The following FSTL5 variants were observed in gnomAD, a reference collection of about 807,000 sequenced individuals.
The protein encoded by FSTL5 is follistatin like 5.
FSTL5 carries 62 observed loss-of-function variants against 89.1 expected under a neutral mutation model. The observed-to-expected ratio is 0.70, with a 90% CI of 0.57 to 0.86. The LOEUF (loss-of-function observed/expected upper bound fraction) is 0.86, where lower values mean the gene tolerates loss of function less well. Ranked by LOEUF, FSTL5 falls within the 40% of genes least tolerant of loss-of-function variation. The pLI is 0.00. For synonymous variants in FSTL5, 383 were observed against 346.2 expected (o/e 1.11, Z -1.18); for missense variants, 1,057 against 1,001.6 (o/e 1.06, Z -0.75).
chr4:161,461,460 CAAAAAAAAAAAAAAAAA>C (rs58371125), intron 13 of FSTL5, among the ~76,000 whole-genome samples: 1 of 45,354 alleles, frequency 2.2e-5, no homozygotes, highest in Non-Finnish European at 3.6e-5. Context: ...GACTCCGTCT[CAAAAAAAAAAAAAAAAA>C]AAAAAAAAAA....
At chr4:161,902,774 GGGA>G (rs759656338) in intron 4 of FSTL5, among the ~76,000 whole-genome samples, 2 of 152,064 alleles carry the variant, frequency 1.3e-5, no homozygotes, top group Non-Finnish European at 2.9e-5. Flanking sequence ...GCGTGAACCC[GGGA>G]GGCGGAGCTT....
At position 161,730,961 on chromosome 4, in the gene FSTL5, A is replaced by G. The variant is rs531193395; in HGVS notation, c.727+28450T>C. On this transcript the variant is annotated intron_variant, in intron 6 of 15. Transcript: ENST00000306100. The stretch of plus-strand genomic sequence containing the variant: ...AAACAAAAACAGATTGACAGTGCCC[A>G]TGCAAAGGCAATAAATATAAATCTA... Among the ~76,000 whole-genome samples, 174 of 152,360 alleles carry G rather than the reference A, an allele frequency of 1.1e-3. 1 individual carries two copies. Among genetic ancestry groups the G allele is most frequent in the African/African-American group, 3.8e-3 (160 of 41,592 alleles).
At chr4:161,387,933 C>G (rs1488716698) in intron 15 of FSTL5, 6 of 152,078 alleles carry the variant, frequency 3.9e-5, no homozygotes, top group Non-Finnish European at 2.9e-5. Context: ...ATAAAACTTT[C>G]TTAAATATTT....
chr4:161,458,747 A>G (rs540280407), intron 14 of FSTL5, among the ~76,000 whole-genome samples: 3 of 152,308 alleles, frequency 2.0e-5, no homozygotes, highest in African/African-American at 7.2e-5. Flanking sequence ...GTTCTCACAT[A>G]AACAACTTCA....
intron 11 of FSTL5, 114 bp from the exon 12 acceptor site, chr4:161,500,248 A>C (rs1290157123): frequency 3.1e-6 from 2 of 640,960 alleles, no homozygotes; most frequent in Non-Finnish European, 5.3e-6. Context: ...AAGTTGTGTA[A>C]TGTTAATAAA....
At chr4:161,596,588 CTTA>C (rs770835090) in intron 7 of FSTL5, among the ~76,000 whole-genome samples, 41 of 152,122 alleles carry the variant, frequency 2.7e-4, no homozygotes, top group Middle Eastern at 3.4e-3. Context: ...CTCAGAATTC[CTTA>C]TTGTTAGCAT....
At chr4:161,682,347 A>G (rs1737554163) in intron 6 of FSTL5, among the ~76,000 whole-genome samples, 1 of 152,044 alleles carries the variant, frequency 6.6e-6, no homozygotes, top group African/African-American at 2.4e-5. Flanking sequence ...AACTTCTCTC[A>G]CTGTAAGTTT....
chr4:161,662,151 C>G (rs1479937173), intron 6 of FSTL5, among the ~76,000 whole-genome samples: 1 of 152,082 alleles, frequency 6.6e-6, no homozygotes, highest in Non-Finnish European at 1.5e-5. Context: ...CGATCTGAAA[C>G]TGAATATATG....
chr4:161,431,954 C>T (rs1179638338), intron 15 of FSTL5, among the ~76,000 whole-genome samples: 1 of 151,900 alleles, frequency 6.6e-6, no homozygotes, highest in Admixed American at 6.6e-5. Context: ...GTTAAGCACC[C>T]AGATATATAA....
At chr4:161,906,030 A>G (rs1366510091) in intron 4 of FSTL5, among the ~76,000 whole-genome samples, 1 of 152,160 alleles carries the variant, frequency 6.6e-6, no homozygotes, top group African/African-American at 2.4e-5. Flanking sequence ...GTCTCCCAGG[A>G]AAATTATAAG....
At chr4:161,406,396 C>A (rs928909122) in intron 15 of FSTL5, among the ~76,000 whole-genome samples, 4 of 152,074 alleles carry the variant, frequency 2.6e-5, no homozygotes, top group Non-Finnish European at 5.9e-5. Context: ...TAATTTCAAT[C>A]TGTTAAAATT....
At chr4:162,160,393 C>T (rs987633351) in intron 1 of FSTL5, among the ~76,000 whole-genome samples, 1 of 151,612 alleles carries the variant, frequency 6.6e-6, no homozygotes, top group Non-Finnish European at 1.5e-5. Flanking sequence ...TAGGATATAC[C>T]CAAAAGATTT....
At chr4:162,084,131 T>G (rs1419888466) in intron 2 of FSTL5, among the ~76,000 whole-genome samples, 1 of 151,958 alleles carries the variant, frequency 6.6e-6, no homozygotes, top group East Asian at 1.9e-4. Flanking sequence ...TGTAGCCCTT[T>G]TGCTAGAATG....
chr4:161,488,535 G>A (rs1365193086), intron 12 of FSTL5, among the ~76,000 whole-genome samples: 4 of 151,968 alleles, frequency 2.6e-5, no homozygotes, highest in African/African-American at 9.7e-5. Flanking sequence ...AGGCTTTGAG[G>A]ACAAAGAGAC....
intron 13 of FSTL5, among the ~76,000 whole-genome samples, chr4:161,474,956 A>G (rs755468704): frequency 7.3e-5 from 11 of 151,306 alleles, no homozygotes; most frequent in Non-Finnish European, 1.6e-4. Context: ...GCTATTGTGT[A>G]TCTGGGAATG....
intron 4 of FSTL5, among the ~76,000 whole-genome samples, chr4:161,869,656 T>C (rs1436120856): frequency 6.6e-6 from 1 of 152,164 alleles, no homozygotes; most frequent in African/African-American, 2.4e-5. Context: ...GGATACACAT[T>C]CTACAGTGCA....
intron 6 of FSTL5, among the ~76,000 whole-genome samples, chr4:161,690,389 T>C (rs1245932914): frequency 2.0e-5 from 3 of 152,150 alleles, no homozygotes; most frequent in Non-Finnish European, 4.4e-5. Context: ...TGGTTTTGAA[T>C]TGAACTTTAA....
At chr4:162,002,342 T>A (rs150796149) in intron 3 of FSTL5, among the ~76,000 whole-genome samples, 265 of 152,288 alleles carry the variant, frequency 1.7e-3, no homozygotes, top group African/African-American at 5.8e-3. Context: ...ATATTTCAGG[T>A]CTCTGATTAA....
chr4:161,975,744 A>G (rs1035120574), intron 3 of FSTL5, among the ~76,000 whole-genome samples: 5 of 139,244 alleles, frequency 3.6e-5, no homozygotes, highest in Non-Finnish European at 6.1e-5. Context: ...CCTAAAACTT[A>G]AAGTATAATA....
Sources: allele counts gnomAD v4.1 joint callset (sites outside exome capture counted in the v4.1 genomes callset), GRCh38; gene constraint gnomAD v4.1.1; transcripts MANE v1.5; gene names NCBI Gene and HGNC (gene_info 2026-07-23, HGNC 2026-07-21).